Variants in MAPRE2 observed in about 807,000 individuals in gnomAD.
MAPRE2 encodes microtubule-associated protein RP/EB family member 2.
In MAPRE2, 13 loss-of-function variants were observed where a neutral mutation model predicts 43.2. The ratio of observed to expected loss-of-function variants is 0.30; its 90% confidence interval spans 0.20 to 0.48. The LOEUF (loss-of-function observed/expected upper bound fraction) is 0.48, where lower values mean the gene tolerates loss of function less well. MAPRE2 is among the 20% of genes least tolerant of loss of function. The pLI is 0.99. For synonymous variants in MAPRE2, 135 were observed against 148.8 expected (o/e 0.91, Z 0.68); for missense variants, 161 against 400.2 (o/e 0.40, Z 5.10).
At chr18:34,978,554 A>G in intron 1 of MAPRE2, 4 of 1,551,622 alleles carry the variant, frequency 2.6e-6, no homozygotes, top group Non-Finnish European at 3.5e-6. Flanking sequence ...AATCTGAAGA[A>G]TGGCAACATT....
chr18:35,099,024 A>G (rs140139444), intron 3 of MAPRE2, among the ~76,000 whole-genome samples: 46 of 152,316 alleles, frequency 3.0e-4, no homozygotes, highest in African/African-American at 9.4e-4. Context: ...GGAAAGTTCT[A>G]TGCTTTTGCT....
intron 2 of MAPRE2, among the ~76,000 whole-genome samples, chr18:35,009,962 C>T (rs2097033642): frequency 6.6e-6 from 1 of 152,146 alleles, no homozygotes; most frequent in Non-Finnish European, 1.5e-5. Flanking sequence ...TTAGCCCTGC[C>T]TCATCTAAAC....
rs1422319384 is a variant in MAPRE2, at chr18:35,102,036, G to A, written c.487G>A (p.Asp163Asn). 6.2e-7 allele frequency: 1 copy of A among 1,613,512 alleles called. No individual in the cohort carries two copies. Among genetic ancestry groups the A allele is most frequent in the Non-Finnish European group, 8.5e-7 (1 of 1,179,718 alleles). Reference sequence around the variant, plus strand: ...TAAGAAATTCTATGATGCTAACTACGATGGGAAGGAGTATGATCCTGTAGA... The same window carrying A: ...TAAGAAATTCTATGATGCTAACTACAATGGGAAGGAGTATGATCCTGTAGA... ...WFKKFYDANYDGKEYDPVEAR... is the reference protein window; with the variant it reads ...WFKKFYDANYNGKEYDPVEAR... The change falls in exon 4 of 7, where the codon GAT becomes AAT. Residue 163 changes from aspartate to asparagine, a missense_variant. Physicochemically the swap from Asp to Asn is conservative, Grantham distance 23. Around this residue, in one of 2 missense-constraint regions of MAPRE2, gnomAD observed 65 missense variants for 246.9 expected, o/e 0.26. Transcript: ENST00000300249.
At chr18:35,109,987 C>T (rs1469610388) in intron 4 of MAPRE2, among the ~76,000 whole-genome samples, 1 of 152,066 alleles carries the variant, frequency 6.6e-6, no homozygotes, top group Non-Finnish European at 1.5e-5. Context: ...TTAAACTACA[C>T]CTCTTTGCAC....
At position 35,142,789 on chromosome 18, in the gene MAPRE2, CCCT is replaced by C. The variant is rs1314871089; in HGVS notation, c.*2422_*2424del. ...TGCACCTCCAGCCTCTGCAGATCCC[CCCT>C]CATTTCCCATGGATGGTGGGACCCC... On this transcript the variant is annotated 3_prime_UTR_variant, in exon 7 of 7. Coordinates refer to ENST00000300249, the MANE Select transcript of MAPRE2 (RefSeq NM_014268.4). 1 of 152,140 alleles carries C rather than the reference CCCT, an allele frequency of 6.6e-6. No homozygotes were observed. The highest frequency in any genetic ancestry group is 6.5e-5 in the Admixed American group (1 of 15,276). 9.4% of individuals were successfully genotyped at this position (152,140 alleles called of 1,614,324 possible).
At chr18:35,041,872 T>C in intron 1 of MAPRE2, 2 of 1,247,508 alleles carry the variant, frequency 1.6e-6, no homozygotes, top group Non-Finnish European at 2.2e-6. Flanking sequence ...ATTTTGTGAA[T>C]AGGTTTGCTG....
chr18:35,038,301 A>G (rs147961004), upstream of MAPRE2, among the ~76,000 whole-genome samples: 555 of 152,316 alleles, frequency 3.6e-3, 1 homozygote, highest in Non-Finnish European at 6.4e-3. Flanking sequence ...TATCTTCTAC[A>G]TGGCATGCTA....
At chr18:35,030,262 C>T (rs2097047193) in intron 2 of MAPRE2, among the ~76,000 whole-genome samples, 1 of 152,116 alleles carries the variant, frequency 6.6e-6, no homozygotes, top group South Asian at 2.1e-4. Flanking sequence ...GTCTCTCAGC[C>T]CTTGTATGTT....
At chr18:34,981,873 T>TA (rs1237733492) in intron 1 of MAPRE2, among the ~76,000 whole-genome samples, 5 of 39,302 alleles carry the variant, frequency 1.3e-4, no homozygotes, top group African/African-American at 2.3e-4. Context: ...TATTTTTTTT[T>TA]TTTATTTTTA....
chr18:35,117,444 C>T (rs566650866), intron 4 of MAPRE2, among the ~76,000 whole-genome samples: 1 of 152,344 alleles, frequency 6.6e-6, no homozygotes, highest in Non-Finnish European at 1.5e-5. Context: ...GTCTAAAGGA[C>T]AAGACATTAT....
intron 2 of MAPRE2, among the ~76,000 whole-genome samples, chr18:35,095,392 A>G (rs55958617): frequency 0.1 from 15,315 of 149,566 alleles, 1,135 homozygotes; most frequent in East Asian, 0.21. Context: ...ACACACACAC[A>G]CACACACACG....
At chr18:35,062,474 C>T (rs1051164806) in intron 1 of MAPRE2, among the ~76,000 whole-genome samples, 5 of 152,180 alleles carry the variant, frequency 3.3e-5, no homozygotes, top group East Asian at 1.9e-4. Context: ...TCTTTACAAG[C>T]GCATTTGAAA....
At chr18:35,012,563 A>G (rs1364735467) in intron 2 of MAPRE2, among the ~76,000 whole-genome samples, 1 of 152,228 alleles carries the variant, frequency 6.6e-6, no homozygotes, top group African/African-American at 2.4e-5. Context: ...ATATTGTTCA[A>G]CCATAGGTAG....
chr18:35,057,537 G>C (rs899691348), intron 1 of MAPRE2, among the ~76,000 whole-genome samples: 1 of 102,654 alleles, frequency 9.7e-6, no homozygotes. Flanking sequence ...TGTGTAAACT[G>C]ATATTTGTCA....
intron 1 of MAPRE2, among the ~76,000 whole-genome samples, chr18:35,059,871 A>G (rs953452364): frequency 7.9e-5 from 12 of 152,108 alleles, no homozygotes; most frequent in Non-Finnish European, 1.8e-4. Context: ...TTATTATGAG[A>G]AGATTTAGAA....
At chr18:35,057,505 T>TAC (rs1196285357) in intron 1 of MAPRE2, among the ~76,000 whole-genome samples, 1 of 114,872 alleles carries the variant, frequency 8.7e-6, no homozygotes, top group African/African-American at 3.7e-5. Flanking sequence ...AAGGAGTGTG[T>TAC]GCGTGTGTGT....
intron 1 of MAPRE2, among the ~76,000 whole-genome samples, chr18:35,054,717 A>T (rs1406246810): frequency 6.6e-6 from 1 of 152,142 alleles, no homozygotes; most frequent in Non-Finnish European, 1.5e-5. Flanking sequence ...TTTTGATAAG[A>T]TGATTACTTG....
intron 1 of MAPRE2, among the ~76,000 whole-genome samples, chr18:34,984,075 A>T (rs1227698251): frequency 6.6e-6 from 1 of 152,232 alleles, no homozygotes; most frequent in East Asian, 1.9e-4. Flanking sequence ...TTTTGTTTAA[A>T]ATTTCCAAAT....
Position 35,132,510 on chromosome 18 carries a change from C to T in MAPRE2, c.909+320C>T, listed in dbSNP as rs576547828. ...CAAATGAGCATTAAGAATTTGTATA[C>T]GGATTCCTCCTTCTTCATGCAAGTA... On this transcript the variant is annotated intron_variant, in intron 6 of 6. Transcript: ENST00000300249. 7.2e-5 allele frequency among the ~76,000 whole-genome samples: 11 copies of T among 152,302 alleles called. No individual in the cohort carries two copies. In the South Asian group the frequency reaches 1.9e-3, roughly 26 times the overall value.
Sources: allele counts gnomAD v4.1 joint callset (sites outside exome capture counted in the v4.1 genomes callset), GRCh38; gene constraint gnomAD v4.1.1; regional missense constraint gnomAD v4.1.1; transcripts MANE v1.5; gene names NCBI Gene and HGNC (gene_info 2026-07-23, HGNC 2026-07-21).